CCSER1: variants seen among roughly 807,000 people sequenced by gnomAD.
CCSER1 encodes coiled-coil serine rich protein 1.
CCSER1 carries 41 observed loss-of-function variants against 82.0 expected under a neutral mutation model. The observed-to-expected ratio is 0.50, with a 90% CI of 0.39 to 0.65. The LOEUF (loss-of-function observed/expected upper bound fraction) is 0.65, where lower values mean the gene tolerates loss of function less well. Ranked by LOEUF, CCSER1 falls within the 30% of genes least tolerant of loss-of-function variation. The pLI, the probability that CCSER1 is intolerant of heterozygous loss-of-function variation, is 0.00. For missense variants in CCSER1, 1,119 were observed against 1,064.2 expected (o/e 1.05, Z -0.72); for synonymous variants, 414 against 383.9 (o/e 1.08, Z -0.92).
intron 1 of CCSER1, among the ~76,000 whole-genome samples, chr4:90,132,366 C>T (rs924764706): frequency 1.8e-4 from 27 of 152,254 alleles, no homozygotes; most frequent in African/African-American, 6.5e-4. Flanking sequence ...ACATACACTT[C>T]TATCAGCAAT....
At chr4:90,720,301 T>A (rs926129762) in intron 6 of CCSER1, among the ~76,000 whole-genome samples, 6 of 149,944 alleles carry the variant, frequency 4.0e-5, no homozygotes, top group African/African-American at 9.9e-5. Flanking sequence ...AAAAAAAAAT[T>A]AAAAAAAAAC....
chr4:90,913,611 A>G (rs906223035), intron 8 of CCSER1, among the ~76,000 whole-genome samples: 1 of 152,208 alleles, frequency 6.6e-6, no homozygotes, highest in African/African-American at 2.4e-5. Flanking sequence ...ATCTAACATC[A>G]TAATGACAGG....
chr4:90,559,602 C>T (rs1300650390), intron 5 of CCSER1, among the ~76,000 whole-genome samples: 5 of 151,996 alleles, frequency 3.3e-5, no homozygotes, highest in African/African-American at 9.7e-5. Context: ...GGGAGGATTG[C>T]TTGAGCCCAG....
At chr4:91,363,884 G>A in intron 10 of CCSER1, among the ~76,000 whole-genome samples, 1 of 151,736 alleles carries the variant, frequency 6.6e-6, no homozygotes, top group East Asian at 1.9e-4. Flanking sequence ...GACTTTGGAT[G>A]AAGACAGTGC....
intron 10 of CCSER1, among the ~76,000 whole-genome samples, chr4:91,471,969 CAAAA>C (rs11313305): frequency 5.7e-4 from 50 of 88,106 alleles, no homozygotes; most frequent in African/African-American, 1.4e-3. Context: ...CACTCCATCT[CAAAA>C]AAAAAAAAAA....
intron 9 of CCSER1, among the ~76,000 whole-genome samples, chr4:91,083,654 AATAG>A (rs1011775014): frequency 2.8e-4 from 42 of 152,280 alleles, no homozygotes; most frequent in East Asian, 9.7e-4. Flanking sequence ...ATATGAGAGA[AATAG>A]ATAGTAAAAT....
chr4:91,190,548 G>A (rs1461890985), intron 10 of CCSER1, among the ~76,000 whole-genome samples: 2 of 152,066 alleles, frequency 1.3e-5, no homozygotes, highest in Non-Finnish European at 2.9e-5. Flanking sequence ...CACAAAGCCT[G>A]ACTTTCAGGA....
At chr4:90,591,728 T>G (rs1782722331) in intron 5 of CCSER1, among the ~76,000 whole-genome samples, 1 of 152,198 alleles carries the variant, frequency 6.6e-6, no homozygotes, top group Non-Finnish European at 1.5e-5. Flanking sequence ...TAAAGACACA[T>G]GAACGTGTAT....
intron 1 of CCSER1, among the ~76,000 whole-genome samples, chr4:90,272,978 G>A (rs553010852): frequency 1.3e-5 from 2 of 152,146 alleles, no homozygotes; most frequent in Admixed American, 6.5e-5. Flanking sequence ...ACTCCAGCCT[G>A]GGTGACAGAG....
intron 10 of CCSER1, among the ~76,000 whole-genome samples, chr4:91,205,982 T>C (rs1459129026): frequency 3.3e-5 from 5 of 151,728 alleles, no homozygotes. Flanking sequence ...TCTTACAATA[T>C]GAGAAGTGCA....
chr4:90,870,312 A>G (rs569301767), intron 8 of CCSER1, among the ~76,000 whole-genome samples: 1 of 152,028 alleles, frequency 6.6e-6, no homozygotes, highest in East Asian at 1.9e-4. Context: ...GTTCACTATG[A>G]TAACTAGCTG....
At chr4:91,354,171 G>A (rs1409067540) in intron 10 of CCSER1, among the ~76,000 whole-genome samples, 1 of 152,162 alleles carries the variant, frequency 6.6e-6, no homozygotes. Context: ...GCATGTAGAT[G>A]GGGGTTTGAT....
intron 10 of CCSER1, among the ~76,000 whole-genome samples, chr4:91,315,918 T>G (rs1745797541): frequency 6.6e-6 from 1 of 151,982 alleles, no homozygotes; most frequent in South Asian, 2.1e-4. Flanking sequence ...ACATCTCATC[T>G]TGAATTGTAC....
intron 3 of CCSER1, among the ~76,000 whole-genome samples, chr4:90,330,491 A>C (rs1305925973): frequency 1.3e-5 from 2 of 152,124 alleles, no homozygotes; most frequent in South Asian, 2.1e-4. Context: ...AATAATAATA[A>C]AAGTACATAG....
intron 1 of CCSER1, among the ~76,000 whole-genome samples, chr4:90,141,585 G>C (rs1467552146): frequency 1.3e-5 from 2 of 152,240 alleles, no homozygotes; most frequent in East Asian, 3.9e-4. Context: ...CTATGCAATT[G>C]AATAATTTTT....
chr4:90,581,753 T>C (rs1364815591), intron 5 of CCSER1, among the ~76,000 whole-genome samples: 1 of 152,178 alleles, frequency 6.6e-6, no homozygotes. Flanking sequence ...CATCTGTATT[T>C]TGAGTTTTTG....
intron 10 of CCSER1, among the ~76,000 whole-genome samples, chr4:91,488,634 C>T (rs1286211727): frequency 6.6e-6 from 1 of 152,194 alleles, no homozygotes; most frequent in East Asian, 1.9e-4. Flanking sequence ...CTTTCTTCCT[C>T]CTGCTCCAGC....
chr4:90,829,814 G>A (rs1760912171), intron 8 of CCSER1, among the ~76,000 whole-genome samples: 1 of 152,164 alleles, frequency 6.6e-6, no homozygotes, highest in African/African-American at 2.4e-5. Flanking sequence ...TCTTTCCTTA[G>A]GGTGGGCTTC....
intron 10 of CCSER1, among the ~76,000 whole-genome samples, chr4:91,110,904 G>A (rs1486760518): frequency 6.6e-6 from 1 of 151,662 alleles, no homozygotes; most frequent in African/African-American, 2.4e-5. Flanking sequence ...AATAAATAGA[G>A]CAGTAAAAGT....
Sources: allele counts gnomAD v4.1 joint callset (sites outside exome capture counted in the v4.1 genomes callset), GRCh38; gene constraint gnomAD v4.1.1; transcripts MANE v1.5; gene names NCBI Gene and HGNC (gene_info 2026-07-23, HGNC 2026-07-21).